Variants in VAV2 observed in about 807,000 individuals in gnomAD.
VAV2 encodes the protein guanine nucleotide exchange factor VAV2.
In VAV2, 67 loss-of-function variants were observed where a neutral mutation model predicts 132.5. The observed-to-expected ratio is 0.51, with a 90% CI of 0.42 to 0.62. VAV2 has a LOEUF of 0.62. VAV2 is among the 20% of genes least tolerant of loss of function. The pLI is 0.00. For missense variants in VAV2, 938 were observed against 1,153.6 expected, an observed-to-expected ratio of 0.81 and a Z score of 2.71; for synonymous variants, 492 against 443.5, an observed-to-expected ratio of 1.11 and a Z score of -1.37.
rs1442845981 is a variant in VAV2 at position 133,778,400 on chromosome 9, C to G, written c.1890+362G>C. ...GGGAGGAGGGTGGGCATGGCATGGC[C>G]AGGGCAGAAGCCTGAGGGCCTATGA... On this transcript the variant is annotated intron_variant, in intron 22 of 29. Coordinates refer to ENST00000371850, the MANE Select transcript of VAV2 (RefSeq NM_001134398.2). Among the ~76,000 whole-genome samples the G allele has an allele frequency of 3.3e-5, 5 of 152,282 alleles. 1 individual carries two copies. In the South Asian group the frequency reaches 1.0e-3, roughly 32 times the overall value.
At chr9:133,795,866 G>T in intron 11 of VAV2, 130 bp from the exon 12 acceptor site, 1 of 901,718 alleles carries the variant, frequency 1.1e-6, no homozygotes, top group Non-Finnish European at 1.7e-6. Context: ...CCGCCAGCCA[G>T]GCTGGGTTTG....
intron 1 of VAV2, among the ~76,000 whole-genome samples, chr9:133,971,206 C>T (rs1209153342): frequency 1.3e-5 from 2 of 152,188 alleles, no homozygotes; most frequent in Admixed American, 6.5e-5. Context: ...ATGGAACAGT[C>T]GTAACTGCTG....
At chr9:133,973,802 TGTC>T (rs1842419646) in intron 1 of VAV2, among the ~76,000 whole-genome samples, 2 of 152,162 alleles carry the variant, frequency 1.3e-5, no homozygotes, top group Non-Finnish European at 2.9e-5. Context: ...GACACCTGCG[TGTC>T]CCTAAAGAGG....
In VAV2 at chr9:133,935,285, G is replaced by GA. The variant is rs1385318630; in HGVS notation, c.321+3817dup. 1.3e-5 allele frequency among the ~76,000 whole-genome samples: 2 copies of GA among 152,120 alleles called. No homozygotes were observed. The highest frequency in any genetic ancestry group is 1.3e-4 in the Admixed American group (2 of 15,284). On this transcript the variant is annotated intron_variant, in intron 2 of 29. Transcript: ENST00000371850. The surrounding 1 kb of genome is among the most constrained non-coding windows in gnomAD (Gnocchi z 5.2). Reference sequence around the variant, plus strand: ...GTAGGAAACGCTCAGTAAATGCCCCGAAAAAATGAAAGGGGCATTCGCTCT... The same window carrying GA: ...GTAGGAAACGCTCAGTAAATGCCCCGAAAAAAATGAAAGGGGCATTCGCTCT...
intron 2 of VAV2, among the ~76,000 whole-genome samples, chr9:133,878,844 C>T (rs1012108469): frequency 6.6e-6 from 1 of 152,220 alleles, no homozygotes; most frequent in Admixed American, 6.5e-5. Flanking sequence ...GCTGAGCACT[C>T]GGAGTGGAAG....
At chr9:133,807,024 A>G (rs1168141549) in intron 8 of VAV2, among the ~76,000 whole-genome samples, 2 of 152,234 alleles carry the variant, frequency 1.3e-5, no homozygotes, top group Non-Finnish European at 2.9e-5. Flanking sequence ...CCAGCCACGC[A>G]CGTCAGTGCT....
At position 133,944,199 on chromosome 9, in the gene VAV2, G is replaced by A. The variant is rs190275404; in HGVS notation, c.205-4980C>T. ...GGCCTCTCTGCCCTGCAGAACCCACGGCAGCCCACCGAGAGCAGGGGCGCC... is the reference window on the plus strand; with the variant it reads ...GGCCTCTCTGCCCTGCAGAACCCACAGCAGCCCACCGAGAGCAGGGGCGCC... On this transcript the variant is annotated intron_variant, in intron 1 of 29. Coordinates refer to ENST00000371850, the MANE Select transcript of VAV2 (RefSeq NM_001134398.2). Among the ~76,000 whole-genome samples the A allele has an allele frequency of 6.6e-3, 811 of 122,102 alleles. 4 individuals are homozygous for A. Among genetic ancestry groups the A allele is most frequent in the Middle Eastern group, 0.031 (7 of 224 alleles). 80.1% of individuals were successfully genotyped at this position (122,102 alleles called of 152,430 possible).
At chr9:133,904,368 C>G (rs1184054771) in intron 2 of VAV2, among the ~76,000 whole-genome samples, 2 of 152,252 alleles carry the variant, frequency 1.3e-5, no homozygotes, top group Admixed American at 1.3e-4. Flanking sequence ...ATCTAATATA[C>G]CAATAAAAGC....
At chr9:133,797,389 T>A (rs1280185291) in intron 10 of VAV2, among the ~76,000 whole-genome samples, 1 of 151,818 alleles carries the variant, frequency 6.6e-6, no homozygotes, top group Non-Finnish European at 1.5e-5. Context: ...TCCCAGCAAA[T>A]GGCACCTGGG....
chr9:133,768,348 G>T lies in VAV2; in HGVS notation c.2589+94C>A. ...GAGGGTGTCTGGAACAGGGCCTGGG[G>T]TGTGGACATAGGTGTGGTGCTAGTC... On this transcript the variant is annotated intron_variant, in intron 29 of 29. Transcript: ENST00000371850. The surrounding 1 kb of genome is among the most constrained non-coding windows in gnomAD (Gnocchi z 5.3). 2.0e-6 allele frequency: 3 copies of T among 1,506,098 alleles called. No individual in the cohort carries two copies. The highest frequency in any genetic ancestry group is 2.7e-6 in the Non-Finnish European group (3 of 1,119,988). The allele number at this position is 1,506,098 out of a possible 1,614,324, so 93.3% of individuals were successfully genotyped here. A position where few individuals can be genotyped will look rare whatever the true frequency, so the allele number is the denominator to read the frequency against.
chr9:133,821,498 CA>C (rs773883879), intron 4 of VAV2, among the ~76,000 whole-genome samples: 2 of 152,128 alleles, frequency 1.3e-5, no homozygotes, highest in Non-Finnish European at 2.9e-5. Flanking sequence ...TGTACAAGAC[CA>C]GTAGAGGCTG....
rs762544581 is a variant in VAV2 at position 133,768,559 on chromosome 9, C to T, written c.2472G>A (p.Arg824=). 5 of 1,613,924 alleles carry T rather than the reference C, an allele frequency of 3.1e-6. No homozygotes were observed. Among genetic ancestry groups the T allele is most frequent in the Non-Finnish European group, 2.5e-6 (3 of 1,180,004 alleles). ...TPRVIGTAVA[R]YNFAARDMRE... Reference sequence around the variant, plus strand: ...TCATATCTCGGGCGGCAAAGTTATACCTGGCCACAGCTGTGCCGATGACGC... The same window carrying T: ...TCATATCTCGGGCGGCAAAGTTATATCTGGCCACAGCTGTGCCGATGACGC... The change falls in exon 29 of 30, where the codon AGG becomes AGA. Residue 824 remains arginine (R), a synonymous_variant. Transcript: ENST00000371850. This position sits in a 1 kb window ranked among gnomAD's most constrained non-coding sequence, Gnocchi z 5.3.
chr9:133,840,672 G>A lies in VAV2; in HGVS notation c.381-6332C>T, dbSNP rs753193171. On this transcript the variant is annotated intron_variant, in intron 3 of 29. Transcript: ENST00000371850. The surrounding 1 kb of genome is among the most constrained non-coding windows in gnomAD (Gnocchi z 4.5). ...CTTCACTCTCCTCCCGTCCTTCCCC[G>A]GGGAATTACGGGGCACCTGCGTGGG... is the stretch of plus-strand genomic sequence containing the variant. Among the ~76,000 whole-genome samples the A allele has an allele frequency of 7.2e-5, 11 of 152,180 alleles. No individual in the cohort carries two copies. Among genetic ancestry groups the A allele is most frequent in the South Asian group, 2.1e-4 (1 of 4,826 alleles).
Position 133,973,727 on chromosome 9 carries a change from T to C in VAV2, c.204+18348A>G, listed in dbSNP as rs1456512300. Among the ~76,000 whole-genome samples the C allele has an allele frequency of 2.0e-5, 3 of 152,198 alleles. No individual in the cohort carries two copies. The East Asian group carries it at 5.8e-4, about 29-fold the overall frequency. ...GGGTGACGCCCTCGCCCTTTGTCCCTGGGACATTGCCAGTGTGTGGCTACC... is the reference window on the plus strand; with the variant it reads ...GGGTGACGCCCTCGCCCTTTGTCCCCGGGACATTGCCAGTGTGTGGCTACC... On this transcript the variant is annotated intron_variant, in intron 1 of 29. Transcript: ENST00000371850.
intron 12 of VAV2, among the ~76,000 whole-genome samples, chr9:133,792,751 G>A (rs1444900471): frequency 7.0e-6 from 1 of 143,700 alleles, no homozygotes; most frequent in Non-Finnish European, 1.5e-5. Context: ...TCCTGCCGGG[G>A]AGGCCGCCCT....
Position 133,851,620 on chromosome 9 carries a change from C to T in VAV2, c.380+9754G>A, listed in dbSNP as rs148043471. ...TAGAGTACCACACTGAGACCAATCG[C>T]GTTATATTCATGTGAAATAGGGCAG... is the stretch of plus-strand genomic sequence containing the variant. On this transcript the variant is annotated intron_variant, in intron 3 of 29. Coordinates refer to ENST00000371850, the MANE Select transcript of VAV2 (RefSeq NM_001134398.2). Among the ~76,000 whole-genome samples, 1,336 of 152,166 alleles carry T rather than the reference C, an allele frequency of 8.8e-3. 36 individuals carry two copies. The highest frequency in any genetic ancestry group is 0.053 in the Admixed American group (805 of 15,278).
chr9:133,969,074 T>C lies in VAV2; in HGVS notation c.204+23001A>G, dbSNP rs962844032. The stretch of plus-strand genomic sequence containing the variant: ...GGTTTTGAGGCAGTTTGGCCGGGTG[T>C]CGGTGAAAGCCGTCTAGTTGCCTGA... On this transcript the variant is annotated intron_variant, in intron 1 of 29. Transcript: ENST00000371850. This position sits in a 1 kb window ranked among gnomAD's most constrained non-coding sequence, Gnocchi z 5.1. 2.0e-5 allele frequency among the ~76,000 whole-genome samples: 3 copies of C among 151,932 alleles called. No homozygotes were observed. The highest frequency in any genetic ancestry group is 4.4e-5 in the Non-Finnish European group (3 of 68,000).
chr9:133,916,342 A>G (rs1564463467), intron 2 of VAV2, among the ~76,000 whole-genome samples: 2 of 152,250 alleles, frequency 1.3e-5, no homozygotes, highest in Non-Finnish European at 2.9e-5. Flanking sequence ...GCTAACTGAC[A>G]GTGATTCACT....
rs964188121 is a variant in VAV2 at position 133,789,426 on chromosome 9, C to T, written c.1189-83G>A. The T allele has an allele frequency of 7.4e-6, 10 of 1,357,552 alleles. No individual in the cohort carries two copies. The Admixed American group carries it at 1.2e-4, about 17-fold the overall frequency. 84.1% of individuals were successfully genotyped at this position (1,357,552 alleles called of 1,614,324 possible). On this transcript the variant is annotated intron_variant, in intron 13 of 29. Transcript: ENST00000371850. The stretch of plus-strand genomic sequence containing the variant: ...CGCACGGGCAGGGCAGACTGTCGTG[C>T]ACCCAAGGGAACTCCCCACAGGCAG...
Sources: allele counts gnomAD v4.1 joint callset (sites outside exome capture counted in the v4.1 genomes callset), GRCh38; gene constraint gnomAD v4.1.1; non-coding constraint Gnocchi (gnomAD v3.1); transcripts MANE v1.5; gene names NCBI Gene and HGNC (gene_info 2026-07-23, HGNC 2026-07-21).